The following WLS variants were observed in gnomAD, a reference collection of about 807,000 sequenced individuals.
WLS encodes protein wntless homolog.
In WLS, 23 loss-of-function variants were observed where a neutral mutation model predicts 62.8. The observed-to-expected ratio is 0.37, with a 90% CI of 0.26 to 0.52. WLS has a LOEUF of 0.52. Ranked by LOEUF, WLS falls within the 20% of genes least tolerant of loss-of-function variation. The pLI, the probability that WLS is intolerant of heterozygous loss-of-function variation, is 0.92. For missense variants in WLS, 615 were observed against 697.3 expected, an observed-to-expected ratio of 0.88 and a Z score of 1.33; for synonymous variants, 246 against 244.1, an observed-to-expected ratio of 1.01 and a Z score of -0.07.
intron 2 of WLS, among the ~76,000 whole-genome samples, chr1:68,165,029 G>C (rs1248562419): frequency 6.6e-6 from 1 of 152,214 alleles, no homozygotes; most frequent in African/African-American, 2.4e-5. Flanking sequence ...ATCAGTCAGA[G>C]CTCCCATGGA....
intron 2 of WLS, among the ~76,000 whole-genome samples, chr1:68,180,044 G>A (rs1215785034): frequency 1.3e-5 from 2 of 151,880 alleles, no homozygotes; most frequent in Non-Finnish European, 2.9e-5. Context: ...TTAAGGCCAA[G>A]TTCAGGCCAA....
chr1:68,161,924 C>A (rs536986385), intron 2 of WLS: 1 of 1,610,822 alleles, frequency 6.2e-7, no homozygotes, highest in South Asian at 1.1e-5. Context: ...CCCACGATGC[C>A]TGGCGGATAT....
chr1:68,101,625 T>C (rs1278001950), intron 11 of WLS, among the ~76,000 whole-genome samples: 3 of 152,224 alleles, frequency 2.0e-5, no homozygotes, highest in Non-Finnish European at 2.9e-5. Flanking sequence ...ACGTTCACTG[T>C]CCAGAATATA....
chr1:68,099,568 A>G (rs1472624840), intron 11 of WLS, among the ~76,000 whole-genome samples: 2 of 152,240 alleles, frequency 1.3e-5, no homozygotes, highest in Non-Finnish European at 2.9e-5. Context: ...GTAAAATGGC[A>G]TAAGGGACCA....
intron 1 of WLS, among the ~76,000 whole-genome samples, chr1:68,210,018 G>A (rs1649448769): frequency 6.6e-6 from 1 of 152,210 alleles, no homozygotes. Flanking sequence ...AGTTACATGA[G>A]TTCAAATGGC....
chr1:68,182,303 C>T (rs142826193), intron 2 of WLS, among the ~76,000 whole-genome samples: 10 of 152,326 alleles, frequency 6.6e-5, no homozygotes, highest in Admixed American at 2.0e-4. Flanking sequence ...ATGATGTTGT[C>T]CAAGTAATGT....
At chr1:68,116,166 G>A (rs897283938) in intron 11 of WLS, among the ~76,000 whole-genome samples, 2 of 152,200 alleles carry the variant, frequency 1.3e-5, no homozygotes, top group Non-Finnish European at 2.9e-5. Flanking sequence ...ATAGGGACCA[G>A]GAGCAGCAGC....
At chr1:68,198,404 C>T (rs769848580) in intron 1 of WLS, among the ~76,000 whole-genome samples, 1 of 152,170 alleles carries the variant, frequency 6.6e-6, no homozygotes, top group Admixed American at 6.5e-5. Flanking sequence ...TTGGCCTCCA[C>T]TTTTCCACTA....
rs1650326322 is a variant in WLS, at chr1:68,229,727, AC to A, written c.106+2466del. Among the ~76,000 whole-genome samples the A allele has an allele frequency of 4.0e-5, 6 of 151,864 alleles. No homozygotes were observed. The East Asian group carries it at 1.2e-3, about 29-fold the overall frequency. On this transcript the variant is annotated intron_variant, in intron 1 of 11. Transcript: ENST00000262348. ...TTAGATTTAAGAGCAAAAAAAAATT[AC>A]TGTTTAAGTGAAAGAGGAAAGGCTA... is the stretch of plus-strand genomic sequence containing the variant.
intron 1 of WLS, among the ~76,000 whole-genome samples, chr1:68,227,030 T>C (rs529996652): frequency 6.6e-6 from 1 of 152,318 alleles, no homozygotes; most frequent in East Asian, 1.9e-4. Flanking sequence ...CAAGGAAATG[T>C]TTCTCACTGT....
intron 2 of WLS, among the ~76,000 whole-genome samples, chr1:68,173,956 A>G (rs1308330421): frequency 6.6e-6 from 1 of 152,216 alleles, no homozygotes; most frequent in Non-Finnish European, 1.5e-5. Flanking sequence ...AAAGTTATCC[A>G]GGAAATAAAC....
intron 11 of WLS, among the ~76,000 whole-genome samples, chr1:68,130,752 T>G (rs1158170998): frequency 1.3e-5 from 2 of 152,142 alleles, no homozygotes; most frequent in Non-Finnish European, 2.9e-5. Context: ...GGCTTACATC[T>G]GTAATCCCAG....
chr1:68,140,678 G>A (rs553131671), intron 10 of WLS, among the ~76,000 whole-genome samples: 1 of 152,284 alleles, frequency 6.6e-6, no homozygotes, highest in East Asian at 1.9e-4. Context: ...CCTACTGAAT[G>A]TGCAATCTGT....
chr1:68,180,482 G>C (rs1203224484), intron 2 of WLS, among the ~76,000 whole-genome samples: 2 of 152,064 alleles, frequency 1.3e-5, no homozygotes, highest in Non-Finnish European at 2.9e-5. Flanking sequence ...AATGTGTCTA[G>C]ACTTGCTGGT....
chr1:68,228,369 A>G, intron 1 of WLS: 1 of 319,216 alleles, frequency 3.1e-6, no homozygotes, highest in South Asian at 2.6e-5. Context: ...TTTCTGAGAC[A>G]TGACTAATTT....
At chr1:68,197,820 A>AT in intron 1 of WLS, among the ~76,000 whole-genome samples, 1 of 152,252 alleles carries the variant, frequency 6.6e-6, no homozygotes, top group South Asian at 2.1e-4. Flanking sequence ...CTGTCTGTAA[A>AT]TTTTTTTAAA....
intron 1 of WLS, among the ~76,000 whole-genome samples, chr1:68,214,568 G>C (rs1440288248): frequency 6.6e-6 from 1 of 152,112 alleles, no homozygotes; most frequent in Non-Finnish European, 1.5e-5. Context: ...GTTTCACCAT[G>C]TTAGCCAGGC....
chr1:68,209,494 T>C (rs988347495), intron 1 of WLS, among the ~76,000 whole-genome samples: 1 of 152,164 alleles, frequency 6.6e-6, no homozygotes, highest in South Asian at 2.1e-4. Flanking sequence ...CAGAAGTAAG[T>C]GTGGCCGGGC....
chr1:68,190,829 G>A (rs181416329), intron 2 of WLS, among the ~76,000 whole-genome samples: 244 of 152,286 alleles, frequency 1.6e-3, no homozygotes, highest in African/African-American at 5.6e-3. Context: ...AGGCCGAAGT[G>A]AGTGGATCAC....
Sources: allele counts gnomAD v4.1 joint callset (sites outside exome capture counted in the v4.1 genomes callset), GRCh38; gene constraint gnomAD v4.1.1; transcripts MANE v1.5; gene names NCBI Gene and HGNC (gene_info 2026-07-23, HGNC 2026-07-21).